The following GMDS variants were observed in gnomAD, a reference collection of about 807,000 sequenced individuals.
GMDS encodes the protein GDP-mannose 4,6 dehydratase.
A neutral mutation model predicts 49.9 loss-of-function variants in GMDS; 20 were observed. The observed-to-expected ratio is 0.40, with a 90% CI of 0.28 to 0.58. GMDS has a LOEUF of 0.58. Ranked by LOEUF, GMDS falls within the 20% of genes least tolerant of loss-of-function variation. The pLI is 0.42. For synonymous variants in GMDS, 177 were observed against 178.6 expected, an observed-to-expected ratio of 0.99 and a Z score of 0.07; for missense variants, 362 against 481.4, an observed-to-expected ratio of 0.75 and a Z score of 2.32.
chr6:1,967,252 C>T (rs1764314250), intron 4 of GMDS, among the ~76,000 whole-genome samples: 1 of 152,168 alleles, frequency 6.6e-6, no homozygotes, highest in African/African-American at 2.4e-5. Flanking sequence ...TCTATCTCCC[C>T]AATTAAAAGG....
At chr6:2,170,134 T>G (rs1581743572) in intron 1 of GMDS, among the ~76,000 whole-genome samples, 1 of 148,254 alleles carries the variant, frequency 6.7e-6, no homozygotes. Flanking sequence ...ACCCGGGAGG[T>G]GGAGGTTGTG....
chr6:1,762,239 G>A (rs1361260617), intron 7 of GMDS, among the ~76,000 whole-genome samples: 5 of 152,184 alleles, frequency 3.3e-5, no homozygotes, highest in African/African-American at 4.8e-5. Context: ...ACCAGGTATC[G>A]GATGTGGTTT....
At chr6:1,929,371 C>A (rs1256355960) in intron 7 of GMDS, among the ~76,000 whole-genome samples, 1 of 152,110 alleles carries the variant, frequency 6.6e-6, no homozygotes, top group Non-Finnish European at 1.5e-5. Flanking sequence ...ACCACAGAAC[C>A]AACATGGATA....
intron 7 of GMDS, among the ~76,000 whole-genome samples, chr6:1,781,589 C>G (rs1769086934): frequency 1.3e-5 from 2 of 151,626 alleles, no homozygotes; most frequent in Non-Finnish European, 2.9e-5. Context: ...ACCCTCACAC[C>G]CAGGTGAGGC....
intron 7 of GMDS, among the ~76,000 whole-genome samples, chr6:1,769,012 A>G (rs1401899889): frequency 2.0e-5 from 3 of 152,180 alleles, no homozygotes; most frequent in Non-Finnish European, 4.4e-5. Flanking sequence ...ATAACAGCTT[A>G]CTCTGTCTGA....
intron 4 of GMDS, among the ~76,000 whole-genome samples, chr6:2,045,491 A>G (rs548728258): frequency 8.6e-5 from 13 of 151,770 alleles, no homozygotes; most frequent in African/African-American, 2.7e-4. Context: ...TTGTAATACT[A>G]TTGCTAAGGT....
At chr6:1,684,596 C>T (rs1764908559) in intron 9 of GMDS, among the ~76,000 whole-genome samples, 1 of 152,176 alleles carries the variant, frequency 6.6e-6, no homozygotes, top group African/African-American at 2.4e-5. Context: ...ACAAAAGACA[C>T]ATACTGAAGG....
At chr6:1,733,506 A>G (rs1331680237) in intron 8 of GMDS, among the ~76,000 whole-genome samples, 1 of 152,148 alleles carries the variant, frequency 6.6e-6, no homozygotes, top group East Asian at 1.9e-4. Flanking sequence ...TCTATAAAAG[A>G]CGAGAGGGAG....
intron 9 of GMDS, among the ~76,000 whole-genome samples, chr6:1,694,481 C>T (rs1765272773): frequency 6.6e-6 from 1 of 152,164 alleles, no homozygotes; most frequent in South Asian, 2.1e-4. Context: ...TGTCTAAGGT[C>T]ACACTGCAGT....
At chr6:1,737,529 A>G in intron 8 of GMDS, among the ~76,000 whole-genome samples, 1 of 151,524 alleles carries the variant, frequency 6.6e-6, no homozygotes, top group South Asian at 2.1e-4. Context: ...ACAGAGATAC[A>G]CACACATACA....
At chr6:1,733,975 C>T (rs1479552097) in intron 8 of GMDS, among the ~76,000 whole-genome samples, 1 of 152,158 alleles carries the variant, frequency 6.6e-6, no homozygotes, top group Non-Finnish European at 1.5e-5. Context: ...GGCATCGGGG[C>T]GACCTGCTAG....
At chr6:2,069,224 C>A (rs564122980) in intron 4 of GMDS, among the ~76,000 whole-genome samples, 1 of 152,152 alleles carries the variant, frequency 6.6e-6, no homozygotes, top group Non-Finnish European at 1.5e-5. Context: ...ATGTAGAAAG[C>A]TGAAACTGGA....
At chr6:2,073,210 T>C (rs1232622597) in intron 4 of GMDS, among the ~76,000 whole-genome samples, 1 of 152,222 alleles carries the variant, frequency 6.6e-6, no homozygotes, top group African/African-American at 2.4e-5. Context: ...CTTTTCTAAA[T>C]GTATCTGGTT....
chr6:1,746,187 A>G (rs901371215), intron 7 of GMDS, among the ~76,000 whole-genome samples: 8 of 151,416 alleles, frequency 5.3e-5, no homozygotes, highest in Non-Finnish European at 1.2e-4. Context: ...GACTAGAGAA[A>G]CAGTGTTGAG....
At chr6:1,792,259 C>T (rs1345041546) in intron 7 of GMDS, among the ~76,000 whole-genome samples, 8 of 150,362 alleles carry the variant, frequency 5.3e-5, no homozygotes, top group South Asian at 2.1e-4. Context: ...TTTTTTTCCT[C>T]GGATTAGTTT....
In GMDS at chr6:1,744,906, C is replaced by T. The variant is rs3778517; in HGVS notation, c.772-2320G>A. On this transcript the variant is annotated intron_variant, in intron 7 of 10. Transcript: ENST00000380815. ...CCGGGATCGGGCCTGCCCTTTGGCC[C>T]GCTTCCCAACTAAGCTGAGCCTCCC... Among the ~76,000 whole-genome samples, 559 of 152,344 alleles carry T rather than the reference C, an allele frequency of 3.7e-3. 10 individuals carry two copies. The East Asian group carries it at 0.055, about 15-fold the overall frequency.
chr6:2,059,600 C>T lies in GMDS; in HGVS notation c.345+56171G>A, dbSNP rs913890782. Among the ~76,000 whole-genome samples the T allele has an allele frequency of 6.3e-5, 9 of 141,918 alleles. No homozygotes were observed. In the East Asian group the frequency reaches 1.5e-3, roughly 23 times the overall value. The allele number at this position is 141,918 out of a possible 152,430, so 93.1% of individuals were successfully genotyped here. ...GCGGGCGCCTGTAGTCCCAGCTACT[C>T]GGGAGGCTGAGGCAGGAGAATGGCG... On this transcript the variant is annotated intron_variant, in intron 4 of 10. Transcript: ENST00000380815.
intron 9 of GMDS, among the ~76,000 whole-genome samples, chr6:1,671,242 T>C (rs1453893572): frequency 6.6e-6 from 1 of 152,228 alleles, no homozygotes; most frequent in Admixed American, 6.5e-5. Flanking sequence ...TGGCGGCTTA[T>C]CACTCTCAAT....
intron 7 of GMDS, among the ~76,000 whole-genome samples, chr6:1,783,147 C>T (rs560573077): frequency 6.6e-6 from 1 of 152,132 alleles, no homozygotes; most frequent in East Asian, 1.9e-4. Context: ...AGAGTGAGAC[C>T]TTGCCAAAGA....
Sources: gnomAD v4.1 joint callset for allele counts (sites outside exome capture counted in the v4.1 genomes callset) on GRCh38, gnomAD v4.1.1 for gene constraint, MANE v1.5 for transcripts, NCBI Gene and HGNC (gene_info 2026-07-23, HGNC 2026-07-21) for gene names.